LIMS2: variants seen among roughly 807,000 people sequenced by gnomAD.
LIMS2 encodes LIM and senescent cell antigen-like-containing domain protein 2.
LIMS2 carries 30 observed loss-of-function variants against 45.3 expected under a neutral mutation model. That is an observed-to-expected ratio of 0.66 (90% CI 0.50 to 0.90). The LOEUF (loss-of-function observed/expected upper bound fraction) is 0.90, where lower values mean the gene tolerates loss of function less well. Among genes scored for constraint, LIMS2 ranks in the 40% least tolerant of loss-of-function variants. LIMS2 has a pLI of 0.00. For synonymous variants in LIMS2, 173 were observed against 188.0 expected, an observed-to-expected ratio of 0.92 and a Z score of 0.65; for missense variants, 485 against 468.7, an observed-to-expected ratio of 1.03 and a Z score of -0.32.
intron 1 of LIMS2, among the ~76,000 whole-genome samples, chr2:127,660,849 G>C (rs1684592869): frequency 6.6e-6 from 1 of 151,284 alleles, no homozygotes; most frequent in African/African-American, 2.4e-5. Flanking sequence ...CAGTTCCTCG[G>C]CTGGTCCCTG....
chr2:127,661,416 C>G lies in LIMS2; in HGVS notation c.12-3854G>C, dbSNP rs184386298. Among the ~76,000 whole-genome samples the G allele has an allele frequency of 2.6e-5, 4 of 152,350 alleles. No individual in the cohort carries two copies. The East Asian group carries it at 7.7e-4, about 29-fold the overall frequency. ...CAACTCTGGGAGCCTTCCAGAGTCC[C>G]TCTGCATGGCTCAGCCTAGGGGAAG... On this transcript the variant is annotated intron_variant, in intron 1 of 9. Coordinates refer to ENST00000355119, the MANE Select transcript of LIMS2 (RefSeq NM_001161403.3).
At position 127,640,887 on chromosome 2, in the gene LIMS2, C is replaced by T. The variant is rs200874584; in HGVS notation, c.753+9G>A. On this transcript the variant is annotated intron_variant, in intron 7 of 9. Coordinates refer to ENST00000355119, the MANE Select transcript of LIMS2 (RefSeq NM_001161403.3). ...ACCCGCATCCCTGAAGGTTCTGCAC[C>T]GGGCTCACCTGGTTGTAGTGAGTCT... 1.6e-5 allele frequency: 25 copies of T among 1,612,588 alleles called. No homozygotes were observed. The Admixed American group carries it at 2.0e-4, about 13-fold the overall frequency.
At position 127,650,976 on chromosome 2, in the gene LIMS2, G is replaced by A. The variant is rs141840938; in HGVS notation, c.359+3448C>T. The A allele has an allele frequency of 3.0e-3, 4,844 of 1,613,810 alleles. 16 individuals are homozygous for A. Among genetic ancestry groups the A allele is most frequent in the Middle Eastern group, 0.01 (62 of 6,062 alleles). On this transcript the variant is annotated intron_variant, in intron 4 of 9. Coordinates refer to ENST00000355119, the MANE Select transcript of LIMS2 (RefSeq NM_001161403.3). ...TCTGGCCGTGGCCGACTTGTCGTGC[G>A]TGCTGGTCCTGCCCACCCGCCTGGT...
chr2:127,642,527 G>A lies in LIMS2; in HGVS notation c.510-328C>T, dbSNP rs2244649. On this transcript the variant is annotated intron_variant, in intron 5 of 9. Transcript: ENST00000355119. This position sits in a 1 kb window ranked among gnomAD's most constrained non-coding sequence, Gnocchi z 5.3. The stretch of plus-strand genomic sequence containing the variant: ...ACGGAGAGGACTGGAGGGGACGGTG[G>A]GGGTGGGCGAGGACGGGGGCTGAGG... 1 of 380,338 alleles carries A rather than the reference G, an allele frequency of 2.6e-6. No homozygotes were observed. Among genetic ancestry groups the A allele is most frequent in the East Asian group, 4.5e-5 (1 of 22,020 alleles). The allele number at this position is 380,338 out of a possible 1,614,324, so 23.6% of individuals were successfully genotyped here.
intron 4 of LIMS2, chr2:127,651,313 C>T (rs1186600091): frequency 6.2e-7 from 1 of 1,609,978 alleles, no homozygotes; most frequent in East Asian, 2.2e-5. Flanking sequence ...TCCCACCATG[C>T]CCTGGTGTCC....
intron 4 of LIMS2, chr2:127,650,111 T>C: frequency 6.4e-7 from 1 of 1,568,732 alleles, no homozygotes; most frequent in Non-Finnish European, 8.7e-7. Flanking sequence ...CGTCCCAGGG[T>C]ACAGCCCTTG....
chr2:127,659,601 C>T (rs2105310500), intron 1 of LIMS2, among the ~76,000 whole-genome samples: 1 of 152,344 alleles, frequency 6.6e-6, no homozygotes. Context: ...ATTCCAGTGC[C>T]TGCCCATGAG....
intron 1 of LIMS2, among the ~76,000 whole-genome samples, chr2:127,663,879 T>C (rs1467740161): frequency 6.6e-6 from 1 of 152,158 alleles, no homozygotes; most frequent in Admixed American, 6.5e-5. Flanking sequence ...TTCTCTGAGA[T>C]GCCCTGAGGA....
intron 1 of LIMS2, among the ~76,000 whole-genome samples, chr2:127,663,737 G>A (rs773668359): frequency 7.7e-5 from 11 of 143,690 alleles, no homozygotes; most frequent in African/African-American, 2.1e-4. Flanking sequence ...TCTCTTCCCC[G>A]CTGGCCCCTC....
At chr2:127,661,805 G>A (rs925478252) in intron 1 of LIMS2, among the ~76,000 whole-genome samples, 49 of 152,322 alleles carry the variant, frequency 3.2e-4, no homozygotes, top group Middle Eastern at 3.4e-3. Flanking sequence ...TTGTATAAGG[G>A]GAGGAGGCTG....
Position 127,649,952 on chromosome 2 carries a change from C to T in LIMS2, c.359+4472G>A, listed in dbSNP as rs1431114171. ...TCTACTCTGGGAGAGAAAATACTCC[C>T]AGCTGGCCTGATACCCAGGCACAGG... On this transcript the variant is annotated intron_variant, in intron 4 of 9. Transcript: ENST00000355119. 6.3e-6 allele frequency: 9 copies of T among 1,418,500 alleles called. No individual in the cohort carries two copies. In the Admixed American group the frequency reaches 1.3e-4, roughly 20 times the overall value. The allele number at this position is 1,418,500 out of a possible 1,614,324, so 87.9% of individuals were successfully genotyped here. A position where few individuals can be genotyped will look rare whatever the true frequency, so the allele number is the denominator to read the frequency against.
At position 127,653,825 on chromosome 2, in the gene LIMS2, C is replaced by A. The variant is rs573770403; in HGVS notation, c.359+599G>T. On this transcript the variant is annotated intron_variant, in intron 4 of 9. Transcript: ENST00000355119. The surrounding 1 kb of genome is among the most constrained non-coding windows in gnomAD (Gnocchi z 5.3). The stretch of plus-strand genomic sequence containing the variant: ...AGGCCCAGCAGTGTTTTTAACCCAG[C>A]TCCCCAGCCCAGTCCTTCAGAAAGG... Among the ~76,000 whole-genome samples, 107 of 152,204 alleles carry A rather than the reference C, an allele frequency of 7.0e-4. No homozygotes were observed. The highest frequency in any genetic ancestry group is 2.4e-3 in the African/African-American group (101 of 41,530).
chr2:127,640,725 G>C, intron 7 of LIMS2, 171 bp downstream of exon 7: 1 of 633,592 alleles, frequency 1.6e-6, no homozygotes. Flanking sequence ...AGACTGAAGA[G>C]AGCTGCCCAG....
Position 127,642,344 on chromosome 2 carries a change from G to T in LIMS2, c.510-145C>A. On this transcript the variant is annotated intron_variant, in intron 5 of 9. Transcript: ENST00000355119. The surrounding 1 kb of genome is among the most constrained non-coding windows in gnomAD (Gnocchi z 5.3). ...GGCGGCAGCGCCTTCTGATCTCTGG[G>T]CACTTTGAAGACTTCCTGTGCCCCA... 1.1e-6 allele frequency: 1 copy of T among 920,984 alleles called. No homozygotes were observed. Among genetic ancestry groups the T allele is most frequent in the Non-Finnish European group, 1.6e-6 (1 of 641,442 alleles). The allele number at this position is 920,984 out of a possible 1,614,324, so 57.1% of individuals were successfully genotyped here. A position where few individuals can be genotyped will look rare whatever the true frequency, so the allele number is the denominator to read the frequency against.
intron 9 of LIMS2, 137 bp from the exon 10 acceptor site, chr2:127,639,565 G>A: frequency 9.6e-7 from 1 of 1,038,156 alleles, no homozygotes; most frequent in South Asian, 1.5e-5. Flanking sequence ...AGGCCCTAGG[G>A]TGAGATGGCC....
chr2:127,665,091 G>A (rs1326069748), intron 1 of LIMS2, among the ~76,000 whole-genome samples: 1 of 152,120 alleles, frequency 6.6e-6, no homozygotes, highest in Non-Finnish European at 1.5e-5. Context: ...CATGTACCCC[G>A]CATTTTTACC....
intron 1 of LIMS2, among the ~76,000 whole-genome samples, chr2:127,661,559 C>A (rs990838659): frequency 1.3e-5 from 2 of 152,174 alleles, no homozygotes; most frequent in African/African-American, 4.8e-5. Context: ...CAGTTATCCC[C>A]CAGGAGACAC....
In LIMS2 at chr2:127,664,326, C is replaced by G. The variant is rs1470024282; in HGVS notation, c.12-6764G>C. 1 of 1,231,532 alleles carries G rather than the reference C, an allele frequency of 8.1e-7. No homozygotes were observed. The highest frequency in any genetic ancestry group is 1.0e-6 in the Non-Finnish European group (1 of 988,352). The allele number at this position is 1,231,532 out of a possible 1,614,324, so 76.3% of individuals were successfully genotyped here. Reference sequence around the variant, plus strand: ...CCTACCCCGTGGCTGGCGGCGGGCTCTGCCGGTGCTGGCGCCGCCGGTACA... The same window carrying G: ...CCTACCCCGTGGCTGGCGGCGGGCTGTGCCGGTGCTGGCGCCGCCGGTACA... On this transcript the variant is annotated intron_variant, in intron 1 of 9. Transcript: ENST00000355119. The surrounding 1 kb of genome is among the most constrained non-coding windows in gnomAD (Gnocchi z 5.5).
chr2:127,647,333 G>A lies in LIMS2; in HGVS notation c.360-4261C>T, dbSNP rs1303056323. 7.9e-5 allele frequency among the ~76,000 whole-genome samples: 12 copies of A among 152,158 alleles called. No homozygotes were observed. Among genetic ancestry groups the A allele is most frequent in the Admixed American group, 7.8e-4 (12 of 15,288 alleles). On this transcript the variant is annotated intron_variant, in intron 4 of 9. Coordinates refer to ENST00000355119, the MANE Select transcript of LIMS2 (RefSeq NM_001161403.3). The surrounding 1 kb of genome is among the most constrained non-coding windows in gnomAD (Gnocchi z 4.3). ...CCACCCTGGCGGTCTTCCAGGGAGT[G>A]AGACCGTTTCCCCGGTCTCACTTCC... is the stretch of plus-strand genomic sequence containing the variant.
Sources: allele counts gnomAD v4.1 joint callset (sites outside exome capture counted in the v4.1 genomes callset), GRCh38; gene constraint gnomAD v4.1.1; non-coding constraint Gnocchi (gnomAD v3.1); transcripts MANE v1.5; gene names NCBI Gene and HGNC (gene_info 2026-07-23, HGNC 2026-07-21).